The following KPNA3 variants were observed in gnomAD, a reference collection of about 807,000 sequenced individuals.
The protein encoded by KPNA3 is karyopherin subunit alpha 3, also known as importin subunit alpha-4.
A neutral mutation model predicts 73.8 loss-of-function variants in KPNA3; 13 were observed. The observed-to-expected ratio is 0.18, with a 90% confidence interval of 0.11 to 0.28. KPNA3 has a LOEUF of 0.28. Ranked by LOEUF, KPNA3 falls within the 10% of genes least tolerant of loss-of-function variation. KPNA3 has a pLI of 1.00. For missense variants in KPNA3, 360 were observed against 618.1 expected (o/e 0.58, Z 4.43); for synonymous variants, 186 against 206.9 (o/e 0.90, Z 0.87).
At chr13:49,714,067 T>C (rs1954284540) in intron 10 of KPNA3, among the ~76,000 whole-genome samples, 1 of 152,198 alleles carries the variant, frequency 6.6e-6, no homozygotes, top group East Asian at 1.9e-4. Context: ...CTATGACATT[T>C]ATTTAAAACA....
intron 2 of KPNA3, among the ~76,000 whole-genome samples, chr13:49,743,690 A>G (rs1352741497): frequency 6.6e-6 from 1 of 152,118 alleles, no homozygotes; most frequent in African/African-American, 2.4e-5. Context: ...GCAGCACAAC[A>G]ACAGGAGGAG....
chr13:49,721,036 C>G (rs1055360826), intron 9 of KPNA3, among the ~76,000 whole-genome samples: 2 of 151,864 alleles, frequency 1.3e-5, no homozygotes, highest in Non-Finnish European at 2.9e-5. Context: ...CTGGCCTACA[C>G]AGTGAAACCC....
chr13:49,747,058 T>G, intron 1 of KPNA3, 65 bp from the exon 2 acceptor site: 2 of 1,237,572 alleles, frequency 1.6e-6, no homozygotes, highest in Non-Finnish European at 2.3e-6. Context: ...TATAAAGATC[T>G]CAGCTGGGTG....
rs970139899 is a variant in KPNA3, at chr13:49,758,349, G to T, written c.70-11356C>A. 5.3e-5 allele frequency among the ~76,000 whole-genome samples: 8 copies of T among 152,204 alleles called. No individual in the cohort carries two copies. In the South Asian group the frequency reaches 1.7e-3, roughly 32 times the overall value. On this transcript the variant is annotated intron_variant, in intron 1 of 16. Transcript: ENST00000261667. Reference sequence around the variant, plus strand: ...AAAATAAAGAAATGAACCTAAACGTGTATCCATTTGGTAGCATAATCACAC... The same window carrying T: ...AAAATAAAGAAATGAACCTAAACGTTTATCCATTTGGTAGCATAATCACAC...
intron 15 of KPNA3, among the ~76,000 whole-genome samples, chr13:49,704,039 A>C (rs969419487): frequency 6.6e-6 from 1 of 152,156 alleles, no homozygotes; most frequent in South Asian, 2.1e-4. Flanking sequence ...AATAGTAAGA[A>C]GATCTGGATT....
intron 1 of KPNA3, among the ~76,000 whole-genome samples, chr13:49,790,493 G>T (rs552012218): frequency 6.6e-6 from 1 of 152,106 alleles, no homozygotes; most frequent in African/African-American, 2.4e-5. Flanking sequence ...TGTAAAGTGG[G>T]GATAATGCCA....
intron 12 of KPNA3, among the ~76,000 whole-genome samples, chr13:49,708,123 G>A (rs920533804): frequency 6.6e-6 from 1 of 151,772 alleles, no homozygotes; most frequent in Non-Finnish European, 1.5e-5. Context: ...AGCCTCCTGA[G>A]TAGTTGGGAC....
chr13:49,761,450 G>T (rs1341382155), intron 1 of KPNA3, among the ~76,000 whole-genome samples: 1 of 151,432 alleles, frequency 6.6e-6, no homozygotes, highest in African/African-American at 2.4e-5. Flanking sequence ...TGTGTTGGCC[G>T]GGCTGGTCTC....
intron 10 of KPNA3, among the ~76,000 whole-genome samples, chr13:49,718,288 C>G (rs1289870685): frequency 2.6e-5 from 4 of 152,116 alleles, no homozygotes; most frequent in African/African-American, 9.7e-5. Flanking sequence ...ATGTTAAGGT[C>G]TTAGAAGGCA....
rs1256988850 is a variant in KPNA3 at position 49,701,912 on chromosome 13, GA to G, written c.1468-15del. 10 of 1,557,810 alleles carry G rather than the reference GA, an allele frequency of 6.4e-6. No homozygotes were observed. Among genetic ancestry groups the G allele is most frequent in the Admixed American group, 5.1e-5 (3 of 58,756 alleles). On this transcript the variant is annotated splice_polypyrimidine_tract_variant and intron_variant, in intron 16 of 16. Transcript: ENST00000261667. ...ATCTTCATCAATCTGTAAAAAACAAGAAAAAAATCCTTATTAGGTTATGATA... is the reference window on the plus strand; with the variant it reads ...ATCTTCATCAATCTGTAAAAAACAAGAAAAAATCCTTATTAGGTTATGATA...
At chr13:49,772,994 G>T (rs1021993761) in intron 1 of KPNA3, among the ~76,000 whole-genome samples, 1 of 152,074 alleles carries the variant, frequency 6.6e-6, no homozygotes, top group African/African-American at 2.4e-5. Context: ...GCCAACGGTA[G>T]GTAAATGGCC....
chr13:49,720,108 C>T (rs1954341172), intron 9 of KPNA3, among the ~76,000 whole-genome samples: 1 of 152,102 alleles, frequency 6.6e-6, no homozygotes, highest in Non-Finnish European at 1.5e-5. Context: ...TTTTTAATAA[C>T]CTTCTTTATG....
intron 12 of KPNA3, among the ~76,000 whole-genome samples, chr13:49,706,835 G>A (rs372263986): frequency 2.0e-5 from 3 of 151,680 alleles, no homozygotes; most frequent in East Asian, 3.9e-4. Context: ...TGCAAGCTCC[G>A]CCTCCCGGGT....
chr13:49,786,579 C>T (rs566146801), intron 1 of KPNA3, among the ~76,000 whole-genome samples: 124 of 152,198 alleles, frequency 8.1e-4, no homozygotes, highest in Admixed American at 2.1e-3. Flanking sequence ...GAAGGAGTCT[C>T]ACTGAAGAGA....
intron 6 of KPNA3, among the ~76,000 whole-genome samples, chr13:49,729,786 A>T (rs1329625279): frequency 3.3e-5 from 5 of 152,238 alleles, no homozygotes; most frequent in African/African-American, 1.2e-4. Context: ...TCTCAAAAAA[A>T]TAAATAAATA....
At position 49,732,471 on chromosome 13, in the gene KPNA3, G is replaced by C. The variant is rs1954478973; in HGVS notation, c.288-5C>G. The C allele has an allele frequency of 1.3e-6, 2 of 1,557,198 alleles. No individual in the cohort carries two copies. The highest frequency in any genetic ancestry group is 2.7e-5 in the African/African-American group (2 of 72,998). On this transcript the variant is annotated splice_region_variant and splice_polypyrimidine_tract_variant and intron_variant, in intron 5 of 16. Transcript: ENST00000261667. Reference sequence around the variant, plus strand: ...CTGTCACTGGATAACAGTTTTCTAGGAAAATAAATATGAGAAATTAATTGC... The same window carrying C: ...CTGTCACTGGATAACAGTTTTCTAGCAAAATAAATATGAGAAATTAATTGC...
intron 1 of KPNA3, among the ~76,000 whole-genome samples, chr13:49,780,718 T>A (rs1444727731): frequency 5.8e-5 from 7 of 121,686 alleles, no homozygotes; most frequent in African/African-American, 2.1e-4. Context: ...GAAAAATATT[T>A]CTTTTTTTTT....
chr13:49,725,662 G>A (rs1040983952), intron 6 of KPNA3, among the ~76,000 whole-genome samples, 161 bp from the exon 7 acceptor site: 9 of 84,288 alleles, frequency 1.1e-4, no homozygotes, highest in African/African-American at 4.0e-4. Flanking sequence ...TTTTTTTTTT[G>A]AGATGGAGTC....
At chr13:49,737,367 C>T (rs1954531329) in intron 2 of KPNA3, among the ~76,000 whole-genome samples, 1 of 152,142 alleles carries the variant, frequency 6.6e-6, no homozygotes, top group African/African-American at 2.4e-5. Context: ...TTGGTGTTGT[C>T]ACTACTGTTT....
Sources: gnomAD v4.1 joint callset for allele counts (sites outside exome capture counted in the v4.1 genomes callset) on GRCh38, gnomAD v4.1.1 for gene constraint, MANE v1.5 for transcripts, NCBI Gene and HGNC (gene_info 2026-07-23, HGNC 2026-07-21) for gene names.